CRTAP: variants seen among roughly 807,000 people sequenced by gnomAD.
The protein encoded by CRTAP is cartilage associated protein, also known as cartilage-associated protein.
A neutral mutation model predicts 42.7 loss-of-function variants in CRTAP; 33 were observed. The ratio of observed to expected loss-of-function variants is 0.77; its 90% CI spans 0.59 to 1.03. The LOEUF is 1.03. Ranked by LOEUF, CRTAP falls within the 50% of genes least tolerant of loss-of-function variation. The probability of loss-of-function intolerance (pLI) is 0.00; values close to 1 mark genes in which losing one functional copy is unlikely to be tolerated. For synonymous variants in CRTAP, 243 were observed against 217.7 expected, an observed-to-expected ratio of 1.12 and a Z score of -1.02; for missense variants, 613 against 533.9, an observed-to-expected ratio of 1.15 and a Z score of -1.46.
intron 1 of CRTAP, 125 bp from the exon 2 acceptor site, chr3:33,120,219 T>A (rs1045606486): frequency 1.0e-4 from 91 of 892,008 alleles, no homozygotes; most frequent in Non-Finnish European, 1.6e-4. Context: ...CTGGAAGTCA[T>A]GGAACCTTTA....
At chr3:33,117,871 T>C (rs1244318606) in intron 1 of CRTAP, among the ~76,000 whole-genome samples, 1 of 152,230 alleles carries the variant, frequency 6.6e-6, no homozygotes, top group East Asian at 1.9e-4. Flanking sequence ...CACTCTTTTC[T>C]CTTCAGGAAG....
intron 3 of CRTAP, among the ~76,000 whole-genome samples, chr3:33,126,468 G>A (rs2030075947): frequency 6.6e-6 from 1 of 152,136 alleles, no homozygotes; most frequent in Non-Finnish European, 1.5e-5. Flanking sequence ...TGGATGTAGA[G>A]GCTTGAACAG....
At position 33,143,494 on chromosome 3, in the gene CRTAP, A is replaced by C. The variant is rs1276862629; in HGVS notation, c.*1046A>C. On this transcript the variant is annotated 3_prime_UTR_variant, in exon 7 of 7. Coordinates refer to ENST00000320954, the MANE Select transcript of CRTAP (RefSeq NM_006371.5). ...TCTAGTTTCATTCATTCTTTCAGTAAATATTTATTGAGTACCTACTGTGTG... is the reference window on the plus strand; with the variant it reads ...TCTAGTTTCATTCATTCTTTCAGTACATATTTATTGAGTACCTACTGTGTG... The C allele has an allele frequency of 6.6e-6, 1 of 152,100 alleles. No homozygotes were observed. The highest frequency in any genetic ancestry group is 1.9e-4 in the East Asian group (1 of 5,204). The allele number at this position is 152,100 out of a possible 1,614,324, so 9.4% of individuals were successfully genotyped here. A position where few individuals can be genotyped will look rare whatever the true frequency, so the allele number is the denominator to read the frequency against.
chr3:33,139,289 C>G (rs2030507647), intron 6 of CRTAP, among the ~76,000 whole-genome samples: 1 of 151,930 alleles, frequency 6.6e-6, no homozygotes. Context: ...GGTGACAGAG[C>G]AAGACCCTGT....
chr3:33,130,277 A>G (rs1164195745), intron 4 of CRTAP, among the ~76,000 whole-genome samples: 1 of 152,222 alleles, frequency 6.6e-6, no homozygotes, highest in Non-Finnish European at 1.5e-5. Flanking sequence ...CAGCCTTATC[A>G]CTTACTAGCT....
Position 33,134,198 on chromosome 3 carries a change from T to C in CRTAP, c.1085T>C (p.Phe362Ser), listed in dbSNP as rs1339814385. The C allele has an allele frequency of 6.2e-7, 1 of 1,612,918 alleles. No individual in the cohort carries two copies. Among genetic ancestry groups the C allele is most frequent in the East Asian group, 2.2e-5 (1 of 44,888 alleles). ...TCTGAACAGGAAGCAGTTCAGTTCT[T>C]TAATGTGACCACACTCCAGAAGGAG... ...FQPRPEAVQF[F>S]NVTTLQKELY... The change falls in exon 6 of 7, where the codon TTT becomes TCT. Residue 362 changes from phenylalanine (F) to serine (S), a missense_variant. Phe to Ser is a radical substitution (Grantham distance 155). Coordinates refer to ENST00000320954, the MANE Select transcript of CRTAP (RefSeq NM_006371.5).
Position 33,147,276 on chromosome 3 carries a change from G to C in CRTAP, c.*4828G>C, listed in dbSNP as rs2030746834. ...GTGCCCATGACATCTCCCTGAAAGA[G>C]GACACCATGACAGCCCGGCTTTGCC... On this transcript the variant is annotated 3_prime_UTR_variant, in exon 7 of 7. Coordinates refer to ENST00000320954, the MANE Select transcript of CRTAP (RefSeq NM_006371.5). 6.5e-6 allele frequency: 1 copy of C among 152,788 alleles called. No individual in the cohort carries two copies. The highest frequency in any genetic ancestry group is 2.1e-4 in the South Asian group (1 of 4,834). The allele number at this position is 152,788 out of a possible 1,614,324, so 9.5% of individuals were successfully genotyped here. A position where few individuals can be genotyped will look rare whatever the true frequency, so the allele number is the denominator to read the frequency against.
rs1466564709 is a variant in CRTAP at position 33,142,593 on chromosome 3, T to G, written c.*145T>G. 5.5e-6 allele frequency: 4 copies of G among 731,068 alleles called. No homozygotes were observed. The highest frequency in any genetic ancestry group is 9.4e-6 in the Non-Finnish European group (4 of 427,754). 45.3% of individuals were successfully genotyped at this position (731,068 alleles called of 1,614,324 possible). On this transcript the variant is annotated 3_prime_UTR_variant, in exon 7 of 7. Transcript: ENST00000320954. ...GGAAGCCCCCGTCTCTCTAACTGCA[T>G]GTCATCAGGGGTGAGCCTGCCTTTC...
rs1355609112 is a variant in CRTAP at position 33,142,453 on chromosome 3, C to T, written c.*5C>T. 2 of 1,613,840 alleles carry T rather than the reference C, an allele frequency of 1.2e-6. No individual in the cohort carries two copies. The highest frequency in any genetic ancestry group is 1.3e-5 in the African/African-American group (1 of 74,926). On this transcript the variant is annotated 3_prime_UTR_variant, in exon 7 of 7. Transcript: ENST00000320954. ...GAACTGGAGGAGACCAGCTAGCCCA[C>T]AGCAACCAAAGAGACTTCCTCTTGG...
At position 33,134,199 on chromosome 3, in the gene CRTAP, T is replaced by C. The variant is rs749534877; in HGVS notation, c.1086T>C (p.Phe362=). ...FQPRPEAVQF[F]NVTTLQKELY... is the part of the protein sequence containing the mutation. ...CTGAACAGGAAGCAGTTCAGTTCTTTAATGTGACCACACTCCAGAAGGAGC... is the reference window on the plus strand; with the variant it reads ...CTGAACAGGAAGCAGTTCAGTTCTTCAATGTGACCACACTCCAGAAGGAGC... Residue 362 remains phenylalanine (F), a synonymous_variant, in exon 6 of 7, where the codon TTT becomes TTC. Coordinates refer to ENST00000320954, the MANE Select transcript of CRTAP (RefSeq NM_006371.5). 1 of 1,613,072 alleles carries C rather than the reference T, an allele frequency of 6.2e-7. No individual in the cohort carries two copies. The highest frequency in any genetic ancestry group is 8.5e-7 in the Non-Finnish European group (1 of 1,178,998).
intron 5 of CRTAP, 82 bp from the exon 6 acceptor site, chr3:33,134,100 C>T: frequency 1.1e-6 from 1 of 925,484 alleles, no homozygotes; most frequent in South Asian, 1.3e-5. Context: ...TTAGAAAAAA[C>T]CCCATATCCT....
chr3:33,141,534 C>G (rs1421654865), intron 6 of CRTAP, among the ~76,000 whole-genome samples: 2 of 152,158 alleles, frequency 1.3e-5, no homozygotes, highest in Non-Finnish European at 2.9e-5. Context: ...GTTAAAACAT[C>G]AAAAGGAGCC....
intron 2 of CRTAP, among the ~76,000 whole-genome samples, chr3:33,121,170 A>G (rs751035301): frequency 2.1e-4 from 32 of 152,138 alleles, no homozygotes; most frequent in Admixed American, 3.3e-4. Flanking sequence ...GCACTTTGGG[A>G]GGCCGAGGCG....
chr3:33,114,567 G>C lies in CRTAP; in HGVS notation c.471+19G>C. ...CTTCAAGGCAAGTCCGCCTCGCCCC[G>C]TCCCAGGCCCCGGCCCCGCCCCTGA... On this transcript the variant is annotated intron_variant, in intron 1 of 6. Transcript: ENST00000320954. 1 of 1,559,842 alleles carries C rather than the reference G, an allele frequency of 6.4e-7. No individual in the cohort carries two copies.
At position 33,145,975 on chromosome 3, in the gene CRTAP, G is replaced by A. The variant is rs989361915; in HGVS notation, c.*3527G>A. On this transcript the variant is annotated 3_prime_UTR_variant, in exon 7 of 7. Coordinates refer to ENST00000320954, the MANE Select transcript of CRTAP (RefSeq NM_006371.5). This position sits in a 1 kb window ranked among gnomAD's most constrained non-coding sequence, Gnocchi z 4.3. Reference sequence around the variant, plus strand: ...ATATTGTCAGTACTTTGCTTTGATTGAAGGCTGTAGAGCTGAGTTACCAAA... The same window carrying A: ...ATATTGTCAGTACTTTGCTTTGATTAAAGGCTGTAGAGCTGAGTTACCAAA... 1.3e-5 allele frequency: 2 copies of A among 151,954 alleles called. No individual in the cohort carries two copies. Among genetic ancestry groups the A allele is most frequent in the Non-Finnish European group, 2.9e-5 (2 of 68,022 alleles). 9.4% of individuals were successfully genotyped at this position (151,954 alleles called of 1,614,324 possible).
rs765770101 is a variant in CRTAP at position 33,142,815 on chromosome 3, C to T, written c.*367C>T. 3 of 232,624 alleles carry T rather than the reference C, an allele frequency of 1.3e-5. No homozygotes were observed. Among genetic ancestry groups the T allele is most frequent in the Admixed American group, 4.9e-5 (1 of 20,266 alleles). The allele number at this position is 232,624 out of a possible 1,614,324, so 14.4% of individuals were successfully genotyped here. On this transcript the variant is annotated 3_prime_UTR_variant, in exon 7 of 7. Coordinates refer to ENST00000320954, the MANE Select transcript of CRTAP (RefSeq NM_006371.5). ...GATTACAGGCATGTGCCACCACGCCCGGCTAATTTTGTATTTTTAGTAGAG... is the reference window on the plus strand; with the variant it reads ...GATTACAGGCATGTGCCACCACGCCTGGCTAATTTTGTATTTTTAGTAGAG...
chr3:33,121,336 C>T (rs867954532), intron 2 of CRTAP, among the ~76,000 whole-genome samples: 6 of 151,662 alleles, frequency 4.0e-5, no homozygotes, highest in Admixed American at 6.6e-5. Context: ...CACTTCATCC[C>T]GGGAGACAGA....
At position 33,144,081 on chromosome 3, in the gene CRTAP, G is replaced by C. The variant is rs1311004085; in HGVS notation, c.*1633G>C. Reference sequence around the variant, plus strand: ...AGGGCAGAAGGAAGAGGGAAGACCTGTTAGGAAGCTACTGCAAGGTTCCAG... The same window carrying C: ...AGGGCAGAAGGAAGAGGGAAGACCTCTTAGGAAGCTACTGCAAGGTTCCAG... On this transcript the variant is annotated 3_prime_UTR_variant, in exon 7 of 7. Transcript: ENST00000320954. 1 of 152,286 alleles carries C rather than the reference G, an allele frequency of 6.6e-6. No homozygotes were observed. The highest frequency in any genetic ancestry group is 1.5e-5 in the Non-Finnish European group (1 of 68,072). 9.4% of individuals were successfully genotyped at this position (152,286 alleles called of 1,614,324 possible). A position where few individuals can be genotyped will look rare whatever the true frequency, so the allele number is the denominator to read the frequency against.
intron 1 of CRTAP, among the ~76,000 whole-genome samples, chr3:33,116,075 C>T (rs1701339631): frequency 6.6e-6 from 1 of 152,100 alleles, no homozygotes; most frequent in African/African-American, 2.4e-5. Context: ...CAAATATGTT[C>T]TGAACCAAAT....
Sources: allele counts gnomAD v4.1 joint callset (sites outside exome capture counted in the v4.1 genomes callset), GRCh38; gene constraint gnomAD v4.1.1; non-coding constraint Gnocchi (gnomAD v3.1); transcripts MANE v1.5; gene names NCBI Gene and HGNC (gene_info 2026-07-23, HGNC 2026-07-21).